Variants in CALN1 observed in about 807,000 individuals in gnomAD.
CALN1 encodes the protein calneuron 1.
In CALN1, 17 loss-of-function variants were observed where a neutral mutation model predicts 30.6. That is an observed-to-expected ratio of 0.56 (90% CI 0.38 to 0.83). The LOEUF (loss-of-function observed/expected upper bound fraction) is 0.83, where lower values mean the gene tolerates loss of function less well. Among genes scored for constraint, CALN1 ranks in the 40% least tolerant of loss-of-function variants. The probability of loss-of-function intolerance (pLI) is 0.00; values close to 1 mark genes in which losing one functional copy is unlikely to be tolerated. For missense variants in CALN1, 291 were observed against 354.9 expected (o/e 0.82, Z 1.45); for synonymous variants, 156 against 131.4 (o/e 1.19, Z -1.28).
At chr7:72,437,839 C>A (rs1255565649) in intron 1 of CALN1, among the ~76,000 whole-genome samples, 1 of 142,474 alleles carries the variant, frequency 7.0e-6, no homozygotes, top group East Asian at 2.1e-4. Context: ...TCCCTCCCTT[C>A]CATCCTCCCT....
At chr7:72,277,343 T>C (rs568877701) in intron 3 of CALN1, among the ~76,000 whole-genome samples, 1 of 152,184 alleles carries the variant, frequency 6.6e-6, no homozygotes, top group South Asian at 2.1e-4. Context: ...TTGGAGGAGG[T>C]CAGAGCTCAA....
intron 5 of CALN1, among the ~76,000 whole-genome samples, chr7:71,900,545 T>C (rs1487363583): frequency 6.6e-6 from 1 of 152,210 alleles, no homozygotes. Flanking sequence ...ATCAAGAAGT[T>C]ATTCCATTAA....
intron 5 of CALN1, among the ~76,000 whole-genome samples, 170 bp from the exon 6 acceptor site, chr7:71,810,662 T>C (rs182431868): frequency 2.0e-3 from 298 of 152,266 alleles, no homozygotes; most frequent in Non-Finnish European, 3.1e-3. Flanking sequence ...CTCATGAACT[T>C]GCAGGGACTT....
At chr7:72,487,953 GGA>G in the CALN1 span, among the ~76,000 whole-genome samples, 2 of 55,086 alleles carry the variant, frequency 3.6e-5, no homozygotes, top group African/African-American at 8.9e-5. Context: ...AAGGAAGGAA[GGA>G]AAGGAAGGAA....
chr7:72,037,052 T>G (rs1395316065), intron 4 of CALN1, among the ~76,000 whole-genome samples: 2 of 152,234 alleles, frequency 1.3e-5, no homozygotes, highest in Non-Finnish European at 2.9e-5. Context: ...TGATCACAGC[T>G]CACTGTAAAC....
At chr7:71,847,455 G>T (rs545528380) in intron 5 of CALN1, among the ~76,000 whole-genome samples, 24 of 151,952 alleles carry the variant, frequency 1.6e-4, no homozygotes, top group African/African-American at 5.8e-4. Context: ...TTCAAGACCA[G>T]CCTGGCCAAC....
At chr7:71,955,472 C>A (rs1796912327) in intron 5 of CALN1, among the ~76,000 whole-genome samples, 2 of 152,024 alleles carry the variant, frequency 1.3e-5, no homozygotes. Flanking sequence ...GTCAATATGA[C>A]CCCTACTCCC....
At chr7:72,371,421 T>A (rs1207025184) in intron 2 of CALN1, among the ~76,000 whole-genome samples, 1 of 152,184 alleles carries the variant, frequency 6.6e-6, no homozygotes, top group Non-Finnish European at 1.5e-5. Context: ...CTTACCCTCA[T>A]GCTGTTCCCA....
chr7:72,046,093 G>T (rs1455890932), intron 4 of CALN1, among the ~76,000 whole-genome samples: 3 of 150,480 alleles, frequency 2.0e-5, no homozygotes, highest in Admixed American at 6.6e-5. Flanking sequence ...CAGGAGAATT[G>T]CTTGAGCCCA....
intron 3 of CALN1, among the ~76,000 whole-genome samples, chr7:72,148,101 T>TAA (rs71300800): frequency 0.021 from 1,949 of 92,148 alleles, 44 homozygotes; most frequent in African/African-American, 0.065. Context: ...TAAAAAAAAA[T>TAA]AAAAAAAAAA....
In CALN1 at chr7:72,044,599, C is replaced by CTTTTT. The variant is rs549079139; in HGVS notation, c.389-20835_389-20831dup. Among the ~76,000 whole-genome samples the CTTTTT allele has an allele frequency of 3.2e-4, 31 of 96,688 alleles. 1 individual carries two copies. The highest frequency in any genetic ancestry group is 2.9e-3 in the South Asian group (7 of 2,404). The allele number at this position is 96,688 out of a possible 152,430, so 63.4% of individuals were successfully genotyped here. ...TTCAGAGAATAATTTCCGCTTAAAA[C>CTTTTT]TTTTTTTTTTTTTTTTTTTTTTTTT... On this transcript the variant is annotated intron_variant, in intron 4 of 6. Transcript: ENST00000395275.
intron 2 of CALN1, among the ~76,000 whole-genome samples, chr7:72,321,766 T>G (rs1256624577): frequency 6.6e-6 from 1 of 152,190 alleles, no homozygotes; most frequent in Non-Finnish European, 1.5e-5. Flanking sequence ...TCTGGATAGC[T>G]CTGTCTCCTG....
intron 3 of CALN1, among the ~76,000 whole-genome samples, chr7:72,111,014 G>A (rs964064102): frequency 6.6e-6 from 1 of 152,156 alleles, no homozygotes; most frequent in Non-Finnish European, 1.5e-5. Context: ...AGGCAGTAAT[G>A]TTGTGTGCTT....
At chr7:72,355,070 G>A (rs879280782) in intron 2 of CALN1, among the ~76,000 whole-genome samples, 18 of 151,742 alleles carry the variant, frequency 1.2e-4, no homozygotes, top group Non-Finnish European at 1.5e-4. Context: ...CACCATGCCC[G>A]GCTAATTTTT....
intron 3 of CALN1, among the ~76,000 whole-genome samples, chr7:72,145,406 C>T (rs1384338885): frequency 1.3e-5 from 2 of 152,110 alleles, no homozygotes; most frequent in African/African-American, 2.4e-5. Context: ...ATACACTCTC[C>T]CAAGACTAAA....
At chr7:72,461,456 CA>C in the CALN1 span, among the ~76,000 whole-genome samples, 1 of 152,166 alleles carries the variant, frequency 6.6e-6, no homozygotes, top group Non-Finnish European at 1.5e-5. Flanking sequence ...ATAAATACAC[CA>C]TGGAATACTA....
At chr7:72,369,682 G>T (rs889801273) in intron 2 of CALN1, among the ~76,000 whole-genome samples, 5 of 151,918 alleles carry the variant, frequency 3.3e-5, no homozygotes, top group African/African-American at 4.8e-5. Flanking sequence ...CCTTTCACTC[G>T]TAAGAATTAC....
At chr7:72,054,500 C>CATACAT (rs1803099398) in intron 4 of CALN1, among the ~76,000 whole-genome samples, 4 of 106,112 alleles carry the variant, frequency 3.8e-5, no homozygotes, top group African/African-American at 1.2e-4. Flanking sequence ...TACATATATA[C>CATACAT]ATATATATAC....
chr7:72,242,654 G>A (rs1185156565), intron 3 of CALN1, among the ~76,000 whole-genome samples: 2 of 152,170 alleles, frequency 1.3e-5, no homozygotes, highest in African/African-American at 4.8e-5. Context: ...TTAGGAGGCT[G>A]AGGTGGGCAG....
Sources: allele counts gnomAD v4.1 joint callset (sites outside exome capture counted in the v4.1 genomes callset), GRCh38; gene constraint gnomAD v4.1.1; transcripts MANE v1.5; gene names NCBI Gene and HGNC (gene_info 2026-07-23, HGNC 2026-07-21).